CEP15: variants seen among roughly 807,000 people sequenced by gnomAD.
CEP15 encodes the protein centrosomal protein 15.
the CEP15 span, among the ~76,000 whole-genome samples, chr3:62,328,645 G>T: frequency 1.3e-5 from 2 of 151,978 alleles, no homozygotes; most frequent in Non-Finnish European, 2.9e-5. Flanking sequence ...TTTTTCCTTT[G>T]CCTCTGCCTG....
chr3:62,335,650 A>G, the CEP15 span: 1 of 152,106 alleles, frequency 6.6e-6, no homozygotes, highest in African/African-American at 2.4e-5. Context: ...AATGTCATCT[A>G]TTCATACCTT....
chr3:62,323,026 G>A, the CEP15 span, among the ~76,000 whole-genome samples: 1 of 152,142 alleles, frequency 6.6e-6, no homozygotes, highest in African/African-American at 2.4e-5. Context: ...TCTGGAATTT[G>A]CTCTGAAAAG....
the CEP15 span, among the ~76,000 whole-genome samples, chr3:62,325,487 T>C: frequency 1.3e-5 from 2 of 152,100 alleles, no homozygotes; most frequent in Non-Finnish European, 2.9e-5. Context: ...TAGATATGAA[T>C]GTAGGTAGTG....
chr3:62,327,536 GA>G, the CEP15 span, among the ~76,000 whole-genome samples: 1 of 152,178 alleles, frequency 6.6e-6, no homozygotes, highest in Non-Finnish European at 1.5e-5. Context: ...TTTGGGGGAA[GA>G]ACATTTCCAT....
the CEP15 span, chr3:62,336,187 A>G: frequency 6.6e-6 from 1 of 152,084 alleles, no homozygotes; most frequent in Non-Finnish European, 1.5e-5. The surrounding 1 kb of genome is among the most constrained non-coding windows in gnomAD (Gnocchi z 4.4). Flanking sequence ...TTTATTTTGA[A>G]TCAAAATTAA....
At chr3:62,327,540 A>G in the CEP15 span, among the ~76,000 whole-genome samples, 6 of 150,660 alleles carry the variant, frequency 4.0e-5, no homozygotes, top group African/African-American at 7.4e-5. Flanking sequence ...GGGGAAGAAC[A>G]TTTCCATAAT....
At chr3:62,320,039 G>C in the CEP15 span, among the ~76,000 whole-genome samples, 1 of 152,238 alleles carries the variant, frequency 6.6e-6, no homozygotes, top group Non-Finnish European at 1.5e-5. Flanking sequence ...TGAATTTCCA[G>C]TTGGTTCTCA....
At chr3:62,323,701 T>C in the CEP15 span, among the ~76,000 whole-genome samples, 2 of 152,222 alleles carry the variant, frequency 1.3e-5, no homozygotes, top group Non-Finnish European at 2.9e-5. Context: ...GTCATACATA[T>C]ATAAGGAACA....
chr3:62,322,277 A>G, the CEP15 span: 1 of 422,756 alleles, frequency 2.4e-6, no homozygotes, highest in Non-Finnish European at 4.1e-6. The surrounding 1 kb of genome is among the most constrained non-coding windows in gnomAD (Gnocchi z 5.5). Flanking sequence ...AATGTTTGCA[A>G]TCAACTAGAA....
chr3:62,320,441 T>C, the CEP15 span: 3 of 1,598,118 alleles, frequency 1.9e-6, no homozygotes, highest in African/African-American at 4.0e-5. Flanking sequence ...ACTTTAAATG[T>C]TTTTATTCTT....
the CEP15 span, chr3:62,320,561 T>C: frequency 6.6e-7 from 1 of 1,518,644 alleles, no homozygotes; most frequent in Non-Finnish European, 9.1e-7. Flanking sequence ...GATATAGAAA[T>C]TGGACTGGCT....
At chr3:62,332,751 A>G in the CEP15 span, among the ~76,000 whole-genome samples, 9 of 152,200 alleles carry the variant, frequency 5.9e-5, no homozygotes, top group East Asian at 1.9e-4. Flanking sequence ...CAATATCTCT[A>G]ATTCCTGTAC....
At chr3:62,326,801 T>G in the CEP15 span, among the ~76,000 whole-genome samples, 1 of 152,232 alleles carries the variant, frequency 6.6e-6, no homozygotes, top group African/African-American at 2.4e-5. Flanking sequence ...TTTGAAGGTA[T>G]TCTCCAGAAA....
chr3:62,329,182 C>T, the CEP15 span, among the ~76,000 whole-genome samples: 1 of 152,028 alleles, frequency 6.6e-6, no homozygotes, highest in Admixed American at 6.6e-5. Context: ...CCTGAAAGAA[C>T]AATTTATAAA....
At chr3:62,320,529 G>GT in the CEP15 span, 5 of 1,607,560 alleles carry the variant, frequency 3.1e-6, no homozygotes, top group Middle Eastern at 1.7e-4. Context: ...AGAAATGTAA[G>GT]TTTTTTTAAA....
chr3:62,324,125 C>G, the CEP15 span: 3 of 152,052 alleles, frequency 2.0e-5, no homozygotes, highest in African/African-American at 7.3e-5. Context: ...TGGCTCATGT[C>G]TATAATCTTT....
At chr3:62,335,857 G>A in the CEP15 span, 1 of 151,764 alleles carries the variant, frequency 6.6e-6, no homozygotes. Context: ...AAACACTTCT[G>A]GTATATGAAA....
chr3:62,326,156 G>A, the CEP15 span, among the ~76,000 whole-genome samples: 1 of 152,118 alleles, frequency 6.6e-6, no homozygotes, highest in Non-Finnish European at 1.5e-5. Context: ...TCCTTCCACT[G>A]AAGAATGCCC....
At chr3:62,320,546 A>G in the CEP15 span, 1 of 1,579,662 alleles carries the variant, frequency 6.3e-7, no homozygotes, top group East Asian at 2.2e-5. Context: ...TAAAGGGATG[A>G]TTCAGATATA....
Sources: allele counts gnomAD v4.1 joint callset (sites outside exome capture counted in the v4.1 genomes callset), GRCh38; gene constraint gnomAD v4.1.1; non-coding constraint Gnocchi (gnomAD v3.1); transcripts MANE v1.5; gene names NCBI Gene and HGNC (gene_info 2026-07-23, HGNC 2026-07-21).